SH3GL3: variants seen among roughly 807,000 people sequenced by gnomAD.
The protein encoded by SH3GL3 is endophilin-A3.
Under a neutral mutation model 47.7 loss-of-function variants are expected in SH3GL3, and 33 were observed. The ratio of observed to expected loss-of-function variants is 0.69; its 90% CI spans 0.52 to 0.92. The LOEUF (loss-of-function observed/expected upper bound fraction) is 0.92, where lower values mean the gene tolerates loss of function less well. SH3GL3 is among the 40% of genes least tolerant of loss of function. The pLI, the probability that SH3GL3 is intolerant of heterozygous loss-of-function variation, is 0.00. For missense variants in SH3GL3, 363 were observed against 417.8 expected (o/e 0.87, Z 1.14); for synonymous variants, 155 against 148.8 (o/e 1.04, Z -0.30).
chr15:83,447,464 C>G lies in SH3GL3; in HGVS notation c.-70C>G. ...GGGGACCGGCCCGGGCTCCCGCTCC[C>G]CGAGCGCGTCGCGGCCGCGTGGCCC... On this transcript the variant is annotated 5_prime_UTR_variant, in exon 1 of 9. Coordinates refer to ENST00000427482, the MANE Select transcript of SH3GL3 (RefSeq NM_003027.5). This position sits in a 1 kb window ranked among gnomAD's most constrained non-coding sequence, Gnocchi z 5.1. 7.3e-7 allele frequency: 1 copy of G among 1,379,166 alleles called. No homozygotes were observed. Among genetic ancestry groups the G allele is most frequent in the Non-Finnish European group, 9.5e-7 (1 of 1,050,732 alleles). The allele number at this position is 1,379,166 out of a possible 1,614,324, so 85.4% of individuals were successfully genotyped here.
intron 1 of SH3GL3, among the ~76,000 whole-genome samples, chr15:83,558,427 C>T (rs996226232): frequency 2.0e-5 from 3 of 151,856 alleles, no homozygotes; most frequent in African/African-American, 7.3e-5. Context: ...TTTCTTAGCA[C>T]ATTGGCCATA....
intron 1 of SH3GL3, among the ~76,000 whole-genome samples, chr15:83,550,708 G>A (rs1403683966): frequency 2.0e-5 from 3 of 152,050 alleles, no homozygotes; most frequent in Non-Finnish European, 4.4e-5. Context: ...CCATTTTAAA[G>A]CCTCTGAAAA....
At chr15:83,532,276 T>C (rs1439457494) in intron 1 of SH3GL3, among the ~76,000 whole-genome samples, 2 of 152,226 alleles carry the variant, frequency 1.3e-5, no homozygotes, top group East Asian at 1.9e-4. Flanking sequence ...GTTGGAGTTA[T>C]GGATTTTCAA....
chr15:83,568,967 G>A (rs553464838), intron 4 of SH3GL3, among the ~76,000 whole-genome samples: 38 of 149,014 alleles, frequency 2.6e-4, no homozygotes, highest in Non-Finnish European at 4.1e-4. Flanking sequence ...CGCGATCTTG[G>A]CTCACTGCAG....
At chr15:83,514,104 A>G (rs2042884600) in intron 1 of SH3GL3, among the ~76,000 whole-genome samples, 1 of 152,214 alleles carries the variant, frequency 6.6e-6, no homozygotes, top group African/African-American at 2.4e-5. Context: ...TCAGTGGCTC[A>G]AGGGCAAAAA....
chr15:83,474,102 C>T (rs1484204736), intron 1 of SH3GL3, among the ~76,000 whole-genome samples: 3 of 152,070 alleles, frequency 2.0e-5, no homozygotes, highest in Non-Finnish European at 4.4e-5. Flanking sequence ...TATATCTACC[C>T]CATCATCCCT....
intron 1 of SH3GL3, among the ~76,000 whole-genome samples, chr15:83,480,199 TTAACTC>T (rs2041285491): frequency 6.6e-6 from 1 of 152,232 alleles, no homozygotes; most frequent in South Asian, 2.1e-4. Context: ...AAAATCCTCT[TTAACTC>T]TATCACCCTT....
chr15:83,622,316 G>A (rs1379548524), downstream of SH3GL3, among the ~76,000 whole-genome samples: 1 of 152,024 alleles, frequency 6.6e-6, no homozygotes, highest in Non-Finnish European at 1.5e-5. Flanking sequence ...CAATGTGTCT[G>A]TTCATGTATA....
chr15:83,456,798 C>G (rs536726462), intron 1 of SH3GL3, among the ~76,000 whole-genome samples: 3 of 152,084 alleles, frequency 2.0e-5, no homozygotes, highest in East Asian at 1.9e-4. Flanking sequence ...AGCTGTAGAC[C>G]GGAGCTGTTC....
At chr15:83,524,488 T>C (rs1363864607) in intron 1 of SH3GL3, among the ~76,000 whole-genome samples, 1 of 152,216 alleles carries the variant, frequency 6.6e-6, no homozygotes, top group Non-Finnish European at 1.5e-5. Flanking sequence ...ATCTATCGCC[T>C]TTGTATTTAT....
At chr15:83,572,380 G>A (rs2059565198) in intron 4 of SH3GL3, among the ~76,000 whole-genome samples, 185 bp from the exon 5 acceptor site, 1 of 152,134 alleles carries the variant, frequency 6.6e-6, no homozygotes, top group Non-Finnish European at 1.5e-5. Flanking sequence ...CCATAGAGAG[G>A]AAAATACAGA....
chr15:83,479,673 G>A (rs146143608), intron 1 of SH3GL3, among the ~76,000 whole-genome samples: 54 of 152,206 alleles, frequency 3.5e-4, no homozygotes, highest in African/African-American at 1.2e-3. Context: ...TTTGGTTGGG[G>A]GTAAAAAGGC....
chr15:83,471,059 G>A (rs907339936), intron 1 of SH3GL3, among the ~76,000 whole-genome samples: 1 of 152,096 alleles, frequency 6.6e-6, no homozygotes, highest in African/African-American at 2.4e-5. Context: ...AGTCTATTAT[G>A]TTTACCCATA....
chr15:83,625,758 T>G, the SH3GL3 span, among the ~76,000 whole-genome samples: 45 of 152,348 alleles, frequency 3.0e-4, no homozygotes, highest in East Asian at 8.5e-3. Flanking sequence ...CCTTTATTTC[T>G]ATCACTTAAA....
intron 1 of SH3GL3, among the ~76,000 whole-genome samples, chr15:83,522,322 C>A (rs748847756): frequency 6.6e-6 from 1 of 152,142 alleles, no homozygotes; most frequent in Non-Finnish European, 1.5e-5. Flanking sequence ...TTGAAACTTT[C>A]ATCTTTGGTA....
At chr15:83,576,890 A>C in intron 6 of SH3GL3, 149 bp downstream of exon 6, 1 of 377,604 alleles carries the variant, frequency 2.6e-6, no homozygotes, top group South Asian at 7.1e-5. Flanking sequence ...TAATACTAAT[A>C]ATAGCTGATG....
intron 1 of SH3GL3, among the ~76,000 whole-genome samples, chr15:83,499,228 A>G (rs1180011204): frequency 6.6e-6 from 1 of 152,118 alleles, no homozygotes. Flanking sequence ...GGAGGTTTAC[A>G]GTTAGCAGTA....
chr15:83,604,005 A>T (rs868392378), intron 8 of SH3GL3, among the ~76,000 whole-genome samples: 1 of 152,136 alleles, frequency 6.6e-6, no homozygotes, highest in Admixed American at 6.5e-5. Context: ...ATGGTGGCGC[A>T]TGCCTGTAAT....
rs2044065485 is a variant in SH3GL3 at position 83,539,525 on chromosome 15, ATCT to A, written c.46-19723_46-19721del. 2.6e-5 allele frequency among the ~76,000 whole-genome samples: 4 copies of A among 152,324 alleles called. No individual in the cohort carries two copies. In the South Asian group the frequency reaches 6.2e-4, roughly 24 times the overall value. On this transcript the variant is annotated intron_variant, in intron 1 of 8. Coordinates refer to ENST00000427482, the MANE Select transcript of SH3GL3 (RefSeq NM_003027.5). The stretch of plus-strand genomic sequence containing the variant: ...CGCAAACATTCAAGCCATAGCAGAA[ATCT>A]TCTTTTTGTCAAATTGCCTATACAA...
Sources: allele counts gnomAD v4.1 joint callset (sites outside exome capture counted in the v4.1 genomes callset), GRCh38; gene constraint gnomAD v4.1.1; non-coding constraint Gnocchi (gnomAD v3.1); transcripts MANE v1.5; gene names NCBI Gene and HGNC (gene_info 2026-07-23, HGNC 2026-07-21).